NPIPB11: variants seen among roughly 807,000 people sequenced by gnomAD.
The protein encoded by NPIPB11 is nuclear pore complex-interacting protein family member B11.
In NPIPB11, 17 loss-of-function variants were observed where a neutral mutation model predicts 32.8. The observed-to-expected ratio is 0.52, with a 90% CI of 0.35 to 0.78. The LOEUF is 0.78. Among genes scored for constraint, NPIPB11 ranks in the 30% least tolerant of loss-of-function variants. The pLI is 0.01. For synonymous variants in NPIPB11, 209 were observed against 398.4 expected (o/e 0.52, Z 5.66); for missense variants, 537 against 1,000.4 (o/e 0.54, Z 6.25).
chr16:29,390,034 G>A, exon 5 of NPIPB11: 1 of 1,595,312 alleles, frequency 6.3e-7, no homozygotes, highest in Non-Finnish European at 8.5e-7. Context: ...TCTAACTTTT[G>A]TTTCCACATG....
intron 2 of NPIPB11, among the ~76,000 whole-genome samples, chr16:29,400,897 T>C (rs1378868252): frequency 6.6e-6 from 1 of 152,042 alleles, no homozygotes; most frequent in Non-Finnish European, 1.5e-5. Context: ...GGCTGACCAC[T>C]ACCCCCACTA....
intron 2 of NPIPB11, among the ~76,000 whole-genome samples, chr16:29,399,613 G>A (rs1436664625): frequency 6.6e-6 from 1 of 151,708 alleles, no homozygotes; most frequent in African/African-American, 2.4e-5. Context: ...CAGGAGAATA[G>A]TTTGAACCCA....
chr16:29,390,780 A>G (rs1963699885), intron 3 of NPIPB11, among the ~76,000 whole-genome samples: 1 of 151,650 alleles, frequency 6.6e-6, no homozygotes, highest in Non-Finnish European at 1.5e-5. Context: ...CCTCACCAAC[A>G]TGGAGAAACA....
intron 3 of NPIPB11, among the ~76,000 whole-genome samples, chr16:29,391,061 G>A (rs1222989559): frequency 1.3e-5 from 2 of 150,186 alleles, no homozygotes; most frequent in African/African-American, 4.9e-5. Flanking sequence ...AAGGTCAAGA[G>A]ATGGAGACCA....
intron 3 of NPIPB11, among the ~76,000 whole-genome samples, chr16:29,390,961 C>CA (rs1173802573): frequency 0.088 from 7,387 of 84,364 alleles, 488 homozygotes; most frequent in African/African-American, 0.18. Context: ...GAAACTGTCT[C>CA]AAAAAAAAAA....
At chr16:29,383,232 G>C (rs756318939) in exon 8 of NPIPB11, 37 of 1,565,068 alleles carry the variant, frequency 2.4e-5, no homozygotes, top group Non-Finnish European at 3.1e-5. Flanking sequence ...GGGTGGAAGG[G>C]GAGTGAGCTG....
In NPIPB11 at chr16:29,393,782, C is replaced by T. The variant is rs144849855; in HGVS notation, c.249+166G>A. ...ACAGTGACCTATTTAATTTTCATAA[C>T]GCAAATGGCAGATATTTTCATAATT... is the stretch of plus-strand genomic sequence containing the variant. On this transcript the variant is annotated intron_variant, in intron 3 of 7. Transcript: ENST00000524087. 5.1e-3 allele frequency among the ~76,000 whole-genome samples: 776 copies of T among 152,264 alleles called. 10 individuals are homozygous for T. Among genetic ancestry groups the T allele is most frequent in the African/African-American group, 0.017 (696 of 41,518 alleles).
At chr16:29,390,832 G>T (rs1963701348) in intron 3 of NPIPB11, among the ~76,000 whole-genome samples, 1 of 151,646 alleles carries the variant, frequency 6.6e-6, no homozygotes, top group Non-Finnish European at 1.5e-5. Context: ...GCATGGTGGT[G>T]CATGCCTGTA....
At chr16:29,405,178 C>T (rs908237504), upstream of NPIPB11, among the ~76,000 whole-genome samples, 11 of 152,032 alleles carry the variant, frequency 7.2e-5, no homozygotes, top group Admixed American at 2.6e-4. Context: ...TCATATTTCC[C>T]ATATGTCCGC....
chr16:29,397,283 T>G (rs891560216), intron 2 of NPIPB11, among the ~76,000 whole-genome samples: 1 of 151,466 alleles, frequency 6.6e-6, no homozygotes, highest in African/African-American at 2.4e-5. Context: ...CTCGGCTCAC[T>G]GCAACGTCCA....
At chr16:29,389,640 G>C in intron 5 of NPIPB11, among the ~76,000 whole-genome samples, 1 of 122,480 alleles carries the variant, frequency 8.2e-6, no homozygotes, top group South Asian at 2.6e-4. Flanking sequence ...ACTACAGCCT[G>C]GGCAACAACA....
intron 2 of NPIPB11, among the ~76,000 whole-genome samples, chr16:29,398,020 C>T (rs1963904883): frequency 1.2e-5 from 1 of 84,352 alleles, no homozygotes; most frequent in Non-Finnish European, 2.2e-5. Flanking sequence ...CTGCTATCCG[C>T]CAAACCTTCT....
chr16:29,399,992 C>T (rs551502225), intron 2 of NPIPB11, among the ~76,000 whole-genome samples: 26 of 151,240 alleles, frequency 1.7e-4, no homozygotes, highest in African/African-American at 5.8e-4. Context: ...CAGGACAATC[C>T]CTTGAACCCA....
intron 5 of NPIPB11, among the ~76,000 whole-genome samples, chr16:29,389,641 G>C (rs1331694529): frequency 8.8e-4 from 101 of 114,466 alleles, no homozygotes; most frequent in Non-Finnish European, 1.4e-3. Context: ...CTACAGCCTG[G>C]GCAACAACAG....
intron 3 of NPIPB11, among the ~76,000 whole-genome samples, chr16:29,391,146 A>C (rs1399721743): frequency 7.1e-6 from 1 of 140,094 alleles, no homozygotes; most frequent in African/African-American, 2.7e-5. Context: ...GCACGCCTGT[A>C]GTCCCAGCTA....
At chr16:29,391,863 G>A (rs891505623) in intron 3 of NPIPB11, among the ~76,000 whole-genome samples, 3 of 151,852 alleles carry the variant, frequency 2.0e-5, no homozygotes, top group Non-Finnish European at 4.4e-5. Context: ...TGGGATTACA[G>A]GTGCCTGCTA....
intron 2 of NPIPB11, among the ~76,000 whole-genome samples, chr16:29,397,861 G>T (rs1188720816): frequency 3.0e-5 from 2 of 65,982 alleles, no homozygotes; most frequent in South Asian, 7.5e-4. Context: ...AAGAAGAAAG[G>T]GGTCTGGGAA....
chr16:29,401,081 G>A (rs1212739550), intron 2 of NPIPB11, among the ~76,000 whole-genome samples: 6 of 152,100 alleles, frequency 3.9e-5, no homozygotes, highest in Admixed American at 1.3e-4. Flanking sequence ...CAGGCCCCAC[G>A]ATGTTTTGGG....
At chr16:29,390,052 A>G (rs1963676500) in exon 5 of NPIPB11, 1 of 1,592,722 alleles carries the variant, frequency 6.3e-7, no homozygotes, top group Non-Finnish European at 8.5e-7. Context: ...ATGCCTCCGT[A>G]GAGTAATGAC....
Sources: allele counts gnomAD v4.1 joint callset (sites outside exome capture counted in the v4.1 genomes callset), GRCh38; gene constraint gnomAD v4.1.1; transcripts MANE v1.5; gene names NCBI Gene and HGNC (gene_info 2026-07-23, HGNC 2026-07-21).